PELI2: variants seen among roughly 807,000 people sequenced by gnomAD.
PELI2 encodes the protein E3 ubiquitin-protein ligase pellino homolog 2.
PELI2 carries 23 observed loss-of-function variants against 42.3 expected under a neutral mutation model. That is an observed-to-expected ratio of 0.54 (90% CI 0.39 to 0.77). The LOEUF (loss-of-function observed/expected upper bound fraction) is 0.77, where lower values mean the gene tolerates loss of function less well. Among genes scored for constraint, PELI2 ranks in the 30% least tolerant of loss-of-function variants. PELI2 has a pLI of 0.00. For synonymous variants in PELI2, 245 were observed against 212.2 expected, an observed-to-expected ratio of 1.15 and a Z score of -1.34; for missense variants, 463 against 553.2, an observed-to-expected ratio of 0.84 and a Z score of 1.64.
At chr14:56,151,230 C>T (rs541874231) in intron 1 of PELI2, among the ~76,000 whole-genome samples, 1 of 152,200 alleles carries the variant, frequency 6.6e-6, no homozygotes, top group African/African-American at 2.4e-5. Flanking sequence ...CTATACCATT[C>T]TCTTATTGCT....
chr14:56,221,344 C>CAACCAAG (rs1887126144), intron 2 of PELI2, among the ~76,000 whole-genome samples: 1 of 152,164 alleles, frequency 6.6e-6, no homozygotes, highest in Non-Finnish European at 1.5e-5. Context: ...TTGCCCTGGA[C>CAACCAAG]CTGCAGTGTT....
At chr14:56,226,192 C>T (rs1371552876) in intron 2 of PELI2, among the ~76,000 whole-genome samples, 1 of 152,164 alleles carries the variant, frequency 6.6e-6, no homozygotes, top group Non-Finnish European at 1.5e-5. Context: ...CCACCTGTCT[C>T]GTTAGCCCAC....
At chr14:56,239,659 A>T (rs375792154) in intron 2 of PELI2, among the ~76,000 whole-genome samples, 11 of 152,256 alleles carry the variant, frequency 7.2e-5, no homozygotes, top group African/African-American at 2.4e-4. Context: ...TACAGACTAG[A>T]CTGGAGCCCA....
rs575882690 is a variant in PELI2 at position 56,155,461 on chromosome 14, C to A, written c.78-22874C>A. 6.7e-4 allele frequency among the ~76,000 whole-genome samples: 102 copies of A among 152,166 alleles called. 1 individual carries two copies. Among genetic ancestry groups the A allele is most frequent in the Middle Eastern group, 3.4e-3 (1 of 294 alleles). On this transcript the variant is annotated intron_variant, in intron 1 of 5. Coordinates refer to ENST00000267460, the MANE Select transcript of PELI2 (RefSeq NM_021255.3). Reference sequence around the variant, plus strand: ...TCCCTAGCACAATCGATTAGATGATCCAACTTCTTTCTCATTGGTGGTCCT... The same window carrying A: ...TCCCTAGCACAATCGATTAGATGATACAACTTCTTTCTCATTGGTGGTCCT...
chr14:56,232,916 G>C (rs1053931937), intron 2 of PELI2, among the ~76,000 whole-genome samples: 19 of 152,014 alleles, frequency 1.2e-4, no homozygotes, highest in Admixed American at 2.6e-4. Context: ...AAAGTCTCAG[G>C]ATACAAAATC....
At position 56,253,379 on chromosome 14, in the gene PELI2, C is replaced by T. The variant is rs75196536; in HGVS notation, c.208-26297C>T. Among the ~76,000 whole-genome samples, 24 of 152,176 alleles carry T rather than the reference C, an allele frequency of 1.6e-4. 1 individual carries two copies. The South Asian group carries it at 1.9e-3, about 12-fold the overall frequency. The stretch of plus-strand genomic sequence containing the variant: ...AATCAGGCAAGATAAAGAAATAAAG[C>T]GTATTCAATTAGGAAAATAGGAAGT... On this transcript the variant is annotated intron_variant, in intron 2 of 5. Transcript: ENST00000267460.
intron 2 of PELI2, among the ~76,000 whole-genome samples, chr14:56,231,351 G>T (rs966873893): frequency 9.9e-5 from 15 of 152,084 alleles, no homozygotes; most frequent in Admixed American, 9.2e-4. Context: ...TGACCACATA[G>T]CTGGAAGTAA....
rs569584746 is a variant in PELI2, at chr14:56,224,227, G to A, written c.207+45763G>A. On this transcript the variant is annotated intron_variant, in intron 2 of 5. Transcript: ENST00000267460. ...TTCAGGTGTCCATCTTCAGTTATAG[G>A]AATACTTGCTTCCATACAATGATTT... is the stretch of plus-strand genomic sequence containing the variant. 9.9e-5 allele frequency among the ~76,000 whole-genome samples: 15 copies of A among 152,276 alleles called. No homozygotes were observed. The East Asian group carries it at 2.5e-3, about 25-fold the overall frequency.
intron 1 of PELI2, among the ~76,000 whole-genome samples, chr14:56,123,774 G>A (rs558553970): frequency 6.6e-6 from 1 of 152,108 alleles, no homozygotes; most frequent in Non-Finnish European, 1.5e-5. Context: ...ACATTTTATC[G>A]AAAAGATAAA....
At chr14:56,147,881 T>C (rs1358315565) in intron 1 of PELI2, among the ~76,000 whole-genome samples, 1 of 152,256 alleles carries the variant, frequency 6.6e-6, no homozygotes, top group Non-Finnish European at 1.5e-5. Context: ...GGATTATTAG[T>C]CTGACAGGTT....
intron 1 of PELI2, among the ~76,000 whole-genome samples, chr14:56,139,828 A>G (rs928036749): frequency 6.6e-6 from 1 of 151,858 alleles, no homozygotes; most frequent in Non-Finnish European, 1.5e-5. Context: ...GGCAGTCTTT[A>G]TAGCTGGTAA....
intron 1 of PELI2, among the ~76,000 whole-genome samples, chr14:56,172,794 G>A (rs1885226770): frequency 6.6e-6 from 1 of 152,148 alleles, no homozygotes; most frequent in South Asian, 2.1e-4. Context: ...GAAGATGGGT[G>A]AGATCACCAA....
At chr14:56,191,005 A>G (rs927028263) in intron 2 of PELI2, among the ~76,000 whole-genome samples, 2 of 152,224 alleles carry the variant, frequency 1.3e-5, no homozygotes, top group African/African-American at 4.8e-5. Flanking sequence ...GATGAACTCT[A>G]TGGTAAACTC....
At chr14:56,238,400 A>G (rs1190077000) in intron 2 of PELI2, among the ~76,000 whole-genome samples, 1 of 152,200 alleles carries the variant, frequency 6.6e-6, no homozygotes, top group Non-Finnish European at 1.5e-5. Context: ...TCAGTCTTCC[A>G]GTAATACATC....
intron 2 of PELI2, among the ~76,000 whole-genome samples, chr14:56,260,808 G>C (rs1363994603): frequency 6.6e-6 from 1 of 152,188 alleles, no homozygotes; most frequent in African/African-American, 2.4e-5. Context: ...CCATGTGCAG[G>C]TTATGAAGTT....
At chr14:56,193,120 A>G (rs2139691577) in intron 2 of PELI2, among the ~76,000 whole-genome samples, 1 of 152,248 alleles carries the variant, frequency 6.6e-6, no homozygotes, top group Non-Finnish European at 1.5e-5. Context: ...ATGACTTACA[A>G]ATTGACTTTC....
chr14:56,255,151 A>G (rs892508238), intron 2 of PELI2, among the ~76,000 whole-genome samples: 2 of 152,238 alleles, frequency 1.3e-5, no homozygotes, highest in African/African-American at 2.4e-5. Context: ...TACCCAAAGG[A>G]TTATAAGTCA....
chr14:56,186,082 C>T (rs982847412), intron 2 of PELI2, among the ~76,000 whole-genome samples: 5 of 151,960 alleles, frequency 3.3e-5, no homozygotes, highest in African/African-American at 9.7e-5. Context: ...CACAAGCATC[C>T]TTAATAGTGA....
At chr14:56,133,292 G>A (rs1486107201) in intron 1 of PELI2, among the ~76,000 whole-genome samples, 2 of 152,160 alleles carry the variant, frequency 1.3e-5, no homozygotes, top group African/African-American at 4.8e-5. Flanking sequence ...TGAGGTATAT[G>A]TTAATAGGTG....
Sources: allele counts gnomAD v4.1 joint callset (sites outside exome capture counted in the v4.1 genomes callset), GRCh38; gene constraint gnomAD v4.1.1; transcripts MANE v1.5; gene names NCBI Gene and HGNC (gene_info 2026-07-23, HGNC 2026-07-21).